Variants in AGPS observed in about 807,000 individuals in gnomAD.
AGPS encodes the protein alkyldihydroxyacetonephosphate synthase, peroxisomal.
AGPS carries 26 observed loss-of-function variants against 90.7 expected under a neutral mutation model. The ratio of observed to expected loss-of-function variants is 0.29; its 90% CI spans 0.21 to 0.40. The LOEUF is 0.40. AGPS is among the 10% of genes least tolerant of loss of function. The probability of loss-of-function intolerance (pLI) is 1.00; values close to 1 mark genes in which losing one functional copy is unlikely to be tolerated. For synonymous variants in AGPS, 294 were observed against 285.3 expected, an observed-to-expected ratio of 1.03 and a Z score of -0.31; for missense variants, 540 against 816.1, an observed-to-expected ratio of 0.66 and a Z score of 4.12.
intron 17 of AGPS, among the ~76,000 whole-genome samples, chr2:177,520,103 G>A (rs1270388758): frequency 1.3e-5 from 2 of 152,148 alleles, no homozygotes; most frequent in Non-Finnish European, 2.9e-5. Context: ...GGTTTTGGTG[G>A]GATTTAGCTG....
Position 177,410,909 on chromosome 2 carries a change from AG to A in AGPS, c.261-9356del, listed in dbSNP as rs537392910. ...GCCTTCCAGTGATTCCCTTGACATA[AG>A]GGGCATGGACGAGGGGGTAGCTTAT... On this transcript the variant is annotated intron_variant, in intron 1 of 19. Coordinates refer to ENST00000264167, the MANE Select transcript of AGPS (RefSeq NM_003659.4). 2.4e-4 allele frequency among the ~76,000 whole-genome samples: 36 copies of A among 152,248 alleles called. No homozygotes were observed. The East Asian group carries it at 6.8e-3, about 29-fold the overall frequency.
chr2:177,436,685 T>C, intron 3 of AGPS, 79 bp from the exon 4 acceptor site: 1 of 1,405,926 alleles, frequency 7.1e-7, no homozygotes, highest in Non-Finnish European at 1.0e-6. Context: ...AGTCTACATT[T>C]TATAGTCATT....
At chr2:177,418,724 A>G (rs1254963039) in intron 1 of AGPS, among the ~76,000 whole-genome samples, 1 of 151,932 alleles carries the variant, frequency 6.6e-6, no homozygotes, top group Admixed American at 6.6e-5. Flanking sequence ...CATGAAAAAA[A>G]GCAAAGTGGA....
At chr2:177,425,561 C>T (rs1305403167) in intron 2 of AGPS, among the ~76,000 whole-genome samples, 2 of 128,016 alleles carry the variant, frequency 1.6e-5, no homozygotes, top group African/African-American at 5.8e-5. Flanking sequence ...GTGGAGGTTG[C>T]GGTGAGCCAA....
At chr2:177,524,240 A>C (rs1359545193) in intron 19 of AGPS, among the ~76,000 whole-genome samples, 1 of 152,208 alleles carries the variant, frequency 6.6e-6, no homozygotes, top group African/African-American at 2.4e-5. Flanking sequence ...CAGCAAATTA[A>C]TCAAGACAGG....
chr2:177,538,016 T>C, intron 19 of AGPS, 58 bp from the exon 20 acceptor site: 2 of 1,598,654 alleles, frequency 1.3e-6, no homozygotes, highest in South Asian at 2.2e-5. Context: ...GGTCACAAGA[T>C]TGATTGGTTC....
At chr2:177,416,530 T>C (rs1197456265) in intron 1 of AGPS, among the ~76,000 whole-genome samples, 2 of 152,094 alleles carry the variant, frequency 1.3e-5, no homozygotes, top group Non-Finnish European at 1.5e-5. Context: ...TTTTTTGTTT[T>C]GTTTTGTTTT....
At chr2:177,435,170 A>G (rs1028906568) in intron 3 of AGPS, among the ~76,000 whole-genome samples, 20 of 151,766 alleles carry the variant, frequency 1.3e-4, no homozygotes, top group African/African-American at 4.6e-4. Context: ...CTAACTGGAT[A>G]TAAGTTCCAT....
At chr2:177,447,353 A>G (rs577959224) in intron 8 of AGPS, among the ~76,000 whole-genome samples, 1 of 152,290 alleles carries the variant, frequency 6.6e-6, no homozygotes, top group East Asian at 1.9e-4. Flanking sequence ...AAAGATCCTC[A>G]ATAAATTAAG....
intron 16 of AGPS, among the ~76,000 whole-genome samples, chr2:177,508,799 G>A (rs1375945011): frequency 1.3e-5 from 2 of 152,080 alleles, no homozygotes; most frequent in Admixed American, 1.3e-4. Context: ...TAGAATATTT[G>A]TATTATATAT....
intron 8 of AGPS, among the ~76,000 whole-genome samples, chr2:177,450,964 A>ACATATACGTATATATG (rs1686923276): frequency 8.1e-6 from 1 of 123,750 alleles, no homozygotes; most frequent in African/African-American, 3.7e-5. Context: ...CATGTCTTTC[A>ACATATACGTATATATG]TATATATATA....
intron 19 of AGPS, among the ~76,000 whole-genome samples, chr2:177,534,095 CTG>C (rs1018981400): frequency 1.3e-5 from 2 of 152,168 alleles, no homozygotes; most frequent in African/African-American, 4.8e-5. Flanking sequence ...CTAGAGACCT[CTG>C]TGACCAGCAG....
At chr2:177,516,501 G>C (rs941617843) in intron 17 of AGPS, among the ~76,000 whole-genome samples, 1 of 152,108 alleles carries the variant, frequency 6.6e-6, no homozygotes, top group East Asian at 1.9e-4. Context: ...TTGATCTATT[G>C]TAAAAGGTGT....
rs543250452 is a variant in AGPS at position 177,491,298 on chromosome 2, G to A, written c.1234-1850G>A. Among the ~76,000 whole-genome samples, 6 of 149,166 alleles carry A rather than the reference G, an allele frequency of 4.0e-5. No homozygotes were observed. The East Asian group carries it at 8.0e-4, about 20-fold the overall frequency. On this transcript the variant is annotated intron_variant, in intron 11 of 19. Transcript: ENST00000264167. ...TTTTTTTTTTTTGAGACAGAGTCTC[G>A]CTCTGTCGCCCAGCAGGCTGGAGTG...
At chr2:177,473,022 T>C (rs1489601613) in intron 10 of AGPS, among the ~76,000 whole-genome samples, 3 of 152,222 alleles carry the variant, frequency 2.0e-5, no homozygotes, top group Non-Finnish European at 4.4e-5. Context: ...TTCCTCTAGT[T>C]CCTCTGTTAC....
At chr2:177,524,773 T>C (rs958000306) in intron 19 of AGPS, among the ~76,000 whole-genome samples, 1 of 152,204 alleles carries the variant, frequency 6.6e-6, no homozygotes, top group Non-Finnish European at 1.5e-5. Context: ...TGTTGCTATA[T>C]GGTAGCACCT....
intron 7 of AGPS, among the ~76,000 whole-genome samples, chr2:177,443,042 A>G (rs1686654855): frequency 6.6e-6 from 1 of 152,026 alleles, no homozygotes; most frequent in Non-Finnish European, 1.5e-5. Flanking sequence ...GTCGTTATTA[A>G]CATTTTGTCA....
At chr2:177,518,276 A>G (rs1314321797) in intron 17 of AGPS, among the ~76,000 whole-genome samples, 4 of 152,146 alleles carry the variant, frequency 2.6e-5, no homozygotes, top group Non-Finnish European at 4.4e-5. Flanking sequence ...TCTACTAAAA[A>G]TACAAAAAAA....
intron 1 of AGPS, among the ~76,000 whole-genome samples, chr2:177,394,806 A>T (rs2105579018): frequency 6.6e-6 from 1 of 152,306 alleles, no homozygotes; most frequent in Non-Finnish European, 1.5e-5. Context: ...TAAATGATCA[A>T]GTGTTTAGTG....
Sources: gnomAD v4.1 joint callset for allele counts (sites outside exome capture counted in the v4.1 genomes callset) on GRCh38, gnomAD v4.1.1 for gene constraint, MANE v1.5 for transcripts, NCBI Gene and HGNC (gene_info 2026-07-23, HGNC 2026-07-21) for gene names.